SEPTIN10: variants seen among roughly 807,000 people sequenced by gnomAD.
SEPTIN10 encodes septin-10.
A neutral mutation model predicts 54.8 loss-of-function variants in SEPTIN10; 66 were observed. The ratio of observed to expected loss-of-function variants is 1.21; its 90% CI spans 0.99 to 1.48. The LOEUF (loss-of-function observed/expected upper bound fraction) is 1.48. Among genes scored for constraint, SEPTIN10 ranks in the 40% most tolerant of loss-of-function variants. The pLI is 0.00. For synonymous variants in SEPTIN10, 161 were observed against 181.0 expected, an observed-to-expected ratio of 0.89 and a Z score of 0.89; for missense variants, 620 against 545.6, an observed-to-expected ratio of 1.14 and a Z score of -1.36.
At chr2:109,608,377 T>C (rs777739846) in intron 1 of SEPTIN10, among the ~76,000 whole-genome samples, 10 of 152,170 alleles carry the variant, frequency 6.6e-5, no homozygotes, top group South Asian at 4.1e-4. Context: ...TCTAAGACAA[T>C]AGGACTTTCT....
At chr2:109,550,674 A>T (rs531768160) in intron 9 of SEPTIN10, among the ~76,000 whole-genome samples, 6 of 152,318 alleles carry the variant, frequency 3.9e-5, no homozygotes, top group African/African-American at 1.4e-4. Context: ...GAGCTAGCAG[A>T]TGACTTCCAT....
chr2:109,600,493 A>G (rs996225870), intron 1 of SEPTIN10, among the ~76,000 whole-genome samples: 1 of 151,982 alleles, frequency 6.6e-6, no homozygotes, highest in African/African-American at 2.4e-5. Context: ...GCCCCTCAAA[A>G]AGACTGGACC....
At position 109,613,897 on chromosome 2, in the gene SEPTIN10, G is replaced by T; in HGVS notation, c.-70C>A. On this transcript the variant is annotated 5_prime_UTR_variant, in exon 1 of 11. Transcript: ENST00000397712. ...CCGAGCGGCTGGTCCCGGCGACGGC[G>T]GCGGGAAGGCCGGAGGGCAGAAGCA... 1 of 1,229,404 alleles carries T rather than the reference G, an allele frequency of 8.1e-7. No homozygotes were observed. The highest frequency in any genetic ancestry group is 1.0e-6 in the Non-Finnish European group (1 of 986,696). The allele number at this position is 1,229,404 out of a possible 1,614,324, so 76.2% of individuals were successfully genotyped here. A position where few individuals can be genotyped will look rare whatever the true frequency, so the allele number is the denominator to read the frequency against.
chr2:109,607,648 G>A (rs553665594), intron 1 of SEPTIN10, among the ~76,000 whole-genome samples: 64 of 152,196 alleles, frequency 4.2e-4, no homozygotes, highest in Non-Finnish European at 7.9e-4. Flanking sequence ...TTATTTAAAT[G>A]TAATTTTTCT....
At chr2:109,569,022 C>A (rs1304283379) in intron 5 of SEPTIN10, among the ~76,000 whole-genome samples, 1 of 152,170 alleles carries the variant, frequency 6.6e-6, no homozygotes, top group African/African-American at 2.4e-5. Context: ...GATAGCTCCA[C>A]AAATTTGTGA....
At position 109,613,848 on chromosome 2, in the gene SEPTIN10, T is replaced by C. The variant is rs1223022519; in HGVS notation, c.-21A>G. 6 of 1,236,300 alleles carry C rather than the reference T, an allele frequency of 4.9e-6. No individual in the cohort carries two copies. Among genetic ancestry groups the C allele is most frequent in the Non-Finnish European group, 6.1e-6 (6 of 991,602 alleles). The allele number at this position is 1,236,300 out of a possible 1,614,324, so 76.6% of individuals were successfully genotyped here. A position where few individuals can be genotyped will look rare whatever the true frequency, so the allele number is the denominator to read the frequency against. On this transcript the variant is annotated 5_prime_UTR_variant, in exon 1 of 11. Coordinates refer to ENST00000397712, the MANE Select transcript of SEPTIN10 (RefSeq NM_144710.5). ...GCCATGGTCGCGGGCAGGGGCACGG[T>C]GAAGCGGCTGTATCAGCCCGGCCCC...
intron 10 of SEPTIN10, chr2:109,545,410 T>C: frequency 6.5e-7 from 1 of 1,535,846 alleles, no homozygotes; most frequent in Non-Finnish European, 8.7e-7. Flanking sequence ...CTTGCGATTA[T>C]CATCCACATG....
intron 1 of SEPTIN10, among the ~76,000 whole-genome samples, chr2:109,608,985 C>T (rs1199360566): frequency 6.6e-6 from 1 of 152,146 alleles, no homozygotes; most frequent in Non-Finnish European, 1.5e-5. Flanking sequence ...GGGACTCTAT[C>T]CTGCAGTAGA....
intron 9 of SEPTIN10, among the ~76,000 whole-genome samples, chr2:109,548,797 A>G (rs1682043433): frequency 6.6e-6 from 1 of 151,242 alleles, no homozygotes; most frequent in Non-Finnish European, 1.5e-5. Flanking sequence ...AAAAAAAAAA[A>G]AAAAAGACAT....
chr2:109,565,723 A>C, intron 7 of SEPTIN10, 40 bp downstream of exon 7: 1 of 1,499,164 alleles, frequency 6.7e-7, no homozygotes, highest in South Asian at 1.1e-5. Context: ...TGAGATTACT[A>C]GATAGATACA....
At chr2:109,585,581 C>A in intron 3 of SEPTIN10, 140 bp downstream of exon 3, 1 of 746,360 alleles carries the variant, frequency 1.3e-6, no homozygotes. Flanking sequence ...ACAAAACTAA[C>A]AGAATCTAAA....
At chr2:109,593,019 C>T in intron 2 of SEPTIN10, 32 bp downstream of exon 2, 4 of 1,430,320 alleles carry the variant, frequency 2.8e-6, no homozygotes, top group East Asian at 2.4e-5. Context: ...ATTTAGAGTA[C>T]AATATGGTAT....
chr2:109,613,030 C>T, intron 1 of SEPTIN10: 1 of 523,700 alleles, frequency 1.9e-6, no homozygotes, highest in South Asian at 1.5e-5. Flanking sequence ...CCAATGTTTA[C>T]TATCAAAAAT....
chr2:109,564,766 T>C (rs1686557999), intron 7 of SEPTIN10, among the ~76,000 whole-genome samples: 1 of 152,232 alleles, frequency 6.6e-6, no homozygotes. Flanking sequence ...ACTTTAAATT[T>C]AGTAGCCAAT....
At chr2:109,587,369 T>C (rs1558836112) in intron 2 of SEPTIN10, among the ~76,000 whole-genome samples, 2 of 151,948 alleles carry the variant, frequency 1.3e-5, no homozygotes, top group South Asian at 2.1e-4. Flanking sequence ...TCTTAAAAAC[T>C]TGTGTGAGAG....
At chr2:109,593,171 AC>A in intron 1 of SEPTIN10, 52 bp from the exon 2 acceptor site, 1 of 1,217,296 alleles carries the variant, frequency 8.2e-7, no homozygotes, top group Admixed American at 2.1e-5. Context: ...TACTCCCCAA[AC>A]CCCATTATCT....
intron 1 of SEPTIN10, among the ~76,000 whole-genome samples, chr2:109,608,815 C>T (rs1166936111): frequency 6.6e-6 from 1 of 152,162 alleles, no homozygotes; most frequent in Non-Finnish European, 1.5e-5. Context: ...TCTAAATCAA[C>T]CTTCCAGATA....
intron 1 of SEPTIN10, among the ~76,000 whole-genome samples, chr2:109,610,584 C>T (rs755715212): frequency 4.6e-5 from 7 of 152,080 alleles, no homozygotes; most frequent in Non-Finnish European, 1.0e-4. Flanking sequence ...GGCGTGGTGG[C>T]ACATGCCTGT....
intron 2 of SEPTIN10, among the ~76,000 whole-genome samples, chr2:109,592,451 C>G (rs1301922625): frequency 6.6e-6 from 1 of 150,470 alleles, no homozygotes; most frequent in Non-Finnish European, 1.5e-5. Flanking sequence ...GGCGACAGAG[C>G]AAAGCTCTGT....
Sources: allele counts gnomAD v4.1 joint callset (sites outside exome capture counted in the v4.1 genomes callset), GRCh38; gene constraint gnomAD v4.1.1; transcripts MANE v1.5; gene names NCBI Gene and HGNC (gene_info 2026-07-23, HGNC 2026-07-21).